LUZP2: variants seen among roughly 807,000 people sequenced by gnomAD.
LUZP2 encodes leucine zipper protein 2.
Under a neutral mutation model 51.6 loss-of-function variants are expected in LUZP2, and 52 were observed. The observed-to-expected ratio is 1.01, with a 90% CI of 0.81 to 1.27. The LOEUF is 1.27. Ranked by LOEUF, LUZP2 falls within the 50% of genes most tolerant of loss-of-function variation. LUZP2 has a pLI of 0.00. For synonymous variants in LUZP2, 154 were observed against 137.3 expected, an observed-to-expected ratio of 1.12 and a Z score of -0.85; for missense variants, 436 against 395.4, an observed-to-expected ratio of 1.10 and a Z score of -0.87.
intron 1 of LUZP2, among the ~76,000 whole-genome samples, chr11:24,581,593 C>T (rs902526048): frequency 3.3e-5 from 5 of 151,894 alleles, no homozygotes; most frequent in African/African-American, 1.2e-4. Flanking sequence ...ATCGCTTGAA[C>T]TCGGGAGGTG....
intron 1 of LUZP2, among the ~76,000 whole-genome samples, chr11:24,691,588 A>C (rs1857068088): frequency 6.6e-6 from 1 of 151,594 alleles, no homozygotes; most frequent in Non-Finnish European, 1.5e-5. Flanking sequence ...GGTATATAAA[A>C]CCTAGAATTT....
At chr11:24,511,837 G>A (rs530059554) in intron 1 of LUZP2, among the ~76,000 whole-genome samples, 71 of 152,286 alleles carry the variant, frequency 4.7e-4, no homozygotes, top group Non-Finnish European at 4.9e-4. Flanking sequence ...TGATATAGAT[G>A]ATTTTTAAAA....
rs1857834013 is a variant in LUZP2, at chr11:24,711,684, T to C, written c.63-17485T>C. Among the ~76,000 whole-genome samples, 4 of 152,232 alleles carry C rather than the reference T, an allele frequency of 2.6e-5. No individual in the cohort carries two copies. The South Asian group carries it at 8.3e-4, about 32-fold the overall frequency. Reference sequence around the variant, plus strand: ...ATTTGATTTCTTTATACACACACCGTCACACATACAACACATAATTTTATA... The same window carrying C: ...ATTTGATTTCTTTATACACACACCGCCACACATACAACACATAATTTTATA... On this transcript the variant is annotated intron_variant, in intron 1 of 11. Transcript: ENST00000336930.
intron 9 of LUZP2, among the ~76,000 whole-genome samples, chr11:24,986,714 A>G (rs192298714): frequency 7.9e-5 from 12 of 151,928 alleles, no homozygotes; most frequent in Admixed American, 7.2e-4. Context: ...TGTAATTAAT[A>G]GCATTCTGAA....
At chr11:24,593,363 A>G (rs1220363249) in intron 1 of LUZP2, among the ~76,000 whole-genome samples, 1 of 152,048 alleles carries the variant, frequency 6.6e-6, no homozygotes, top group Non-Finnish European at 1.5e-5. Flanking sequence ...ATTAATATTA[A>G]TCTTGATGAT....
chr11:25,023,192 T>A (rs1488888414), intron 9 of LUZP2, among the ~76,000 whole-genome samples: 1 of 152,208 alleles, frequency 6.6e-6, no homozygotes, highest in Non-Finnish European at 1.5e-5. Context: ...TCCCTCTTTT[T>A]CTATTGATTG....
chr11:24,788,794 T>A (rs1253689047), intron 5 of LUZP2, among the ~76,000 whole-genome samples: 1 of 152,156 alleles, frequency 6.6e-6, no homozygotes, highest in Non-Finnish European at 1.5e-5. Flanking sequence ...CATCTGCTGC[T>A]GAATTCCCTC....
chr11:24,779,898 A>G (rs1228664204), intron 5 of LUZP2, among the ~76,000 whole-genome samples: 1 of 152,066 alleles, frequency 6.6e-6, no homozygotes, highest in Non-Finnish European at 1.5e-5. Flanking sequence ...GCCGACTTTG[A>G]TAATGGGAGG....
intron 7 of LUZP2, among the ~76,000 whole-genome samples, chr11:24,954,081 C>A (rs1855152311): frequency 6.6e-6 from 1 of 151,780 alleles, no homozygotes; most frequent in Non-Finnish European, 1.5e-5. Flanking sequence ...TAATAAATGG[C>A]AAACACTTGT....
At chr11:24,763,613 G>T (rs1048927139) in intron 5 of LUZP2, among the ~76,000 whole-genome samples, 1 of 151,980 alleles carries the variant, frequency 6.6e-6, no homozygotes, top group Non-Finnish European at 1.5e-5. Context: ...TTTAATAAAT[G>T]ACATTACAGG....
intron 1 of LUZP2, among the ~76,000 whole-genome samples, chr11:24,568,032 G>A (rs1852298911): frequency 6.6e-6 from 1 of 152,030 alleles, no homozygotes; most frequent in South Asian, 2.1e-4. Flanking sequence ...TTGTTGGACT[G>A]GATTTTGAAA....
At position 24,937,071 on chromosome 11, in the gene LUZP2, CAT is replaced by C. The variant is rs1554942474; in HGVS notation, c.522+22534_522+22535del. ...AAACACACACACACACACACACACA[CAT>C]GAGTAAAAGTAAGAAGCACTTATCT... On this transcript the variant is annotated intron_variant, in intron 7 of 11. Coordinates refer to ENST00000336930, the MANE Select transcript of LUZP2 (RefSeq NM_001009909.4). Among the ~76,000 whole-genome samples, 1,500 of 152,064 alleles carry C rather than the reference CAT, an allele frequency of 9.9e-3. 18 individuals carry two copies. Among genetic ancestry groups the C allele is most frequent in the South Asian group, 0.044 (214 of 4,816 alleles).
At chr11:24,781,691 G>A (rs900132360) in intron 5 of LUZP2, among the ~76,000 whole-genome samples, 13 of 151,826 alleles carry the variant, frequency 8.6e-5, no homozygotes, top group Admixed American at 4.6e-4. Flanking sequence ...AATTGCAAAC[G>A]AGCTGCTATT....
chr11:24,809,386 T>C (rs1477856489), intron 5 of LUZP2, among the ~76,000 whole-genome samples: 1 of 151,986 alleles, frequency 6.6e-6, no homozygotes. Flanking sequence ...AGTTTCCTTT[T>C]TACTGCACAC....
intron 9 of LUZP2, among the ~76,000 whole-genome samples, chr11:25,010,278 G>A (rs7118631): frequency 0.38 from 57,292 of 152,076 alleles, 13,294 homozygotes; most frequent in East Asian, 0.77. Flanking sequence ...TGCTGCCCTG[G>A]CACTGTGGCT....
At chr11:25,060,694 TA>T (rs931170681) in intron 10 of LUZP2, among the ~76,000 whole-genome samples, 1 of 152,174 alleles carries the variant, frequency 6.6e-6, no homozygotes, top group African/African-American at 2.4e-5. Context: ...GTTCTGTGAT[TA>T]AGTTTTCAAC....
At chr11:24,624,662 A>G (rs935256935) in intron 1 of LUZP2, among the ~76,000 whole-genome samples, 1 of 152,094 alleles carries the variant, frequency 6.6e-6, no homozygotes, top group Non-Finnish European at 1.5e-5. Context: ...ATAGTTAAAG[A>G]AAGATGTTTG....
intron 1 of LUZP2, among the ~76,000 whole-genome samples, chr11:24,541,678 G>A (rs1851368929): frequency 6.6e-6 from 1 of 152,008 alleles, no homozygotes; most frequent in African/African-American, 2.4e-5. Flanking sequence ...ATGCAGGTTG[G>A]GGGAAGAATA....
At chr11:24,938,078 A>T (rs1318700235) in intron 7 of LUZP2, among the ~76,000 whole-genome samples, 1 of 152,066 alleles carries the variant, frequency 6.6e-6, no homozygotes, top group Non-Finnish European at 1.5e-5. Context: ...TTTTAGACAA[A>T]TGTATTTGTT....
Sources: gnomAD v4.1 joint callset for allele counts (sites outside exome capture counted in the v4.1 genomes callset) on GRCh38, gnomAD v4.1.1 for gene constraint, MANE v1.5 for transcripts, NCBI Gene and HGNC (gene_info 2026-07-23, HGNC 2026-07-21) for gene names.